Variants in FOXK2 observed in about 807,000 individuals in gnomAD.
FOXK2 encodes the protein forkhead box protein K2.
Under a neutral mutation model 53.3 loss-of-function variants are expected in FOXK2, and 24 were observed. That is an observed-to-expected ratio of 0.45 (90% CI 0.33 to 0.63). FOXK2 has a LOEUF of 0.63. Among genes scored for constraint, FOXK2 ranks in the 30% least tolerant of loss-of-function variants. The pLI, the probability that FOXK2 is intolerant of heterozygous loss-of-function variation, is 0.03. For synonymous variants in FOXK2, 505 were observed against 407.1 expected, an observed-to-expected ratio of 1.24 and a Z score of -2.89; for missense variants, 952 against 910.5, an observed-to-expected ratio of 1.05 and a Z score of -0.59.
intron 1 of FOXK2, among the ~76,000 whole-genome samples, chr17:82,526,179 A>G (rs1215044797): frequency 3.3e-5 from 5 of 152,220 alleles, no homozygotes; most frequent in Non-Finnish European, 5.9e-5. Context: ...GGAGACTCCA[A>G]TAAATGAATT....
chr17:82,558,634 G>A lies in FOXK2; in HGVS notation c.420-4720G>A, dbSNP rs192454937. Among the ~76,000 whole-genome samples, 10 of 152,364 alleles carry A rather than the reference G, an allele frequency of 6.6e-5. No homozygotes were observed. In the East Asian group the frequency reaches 1.5e-3, roughly 23 times the overall value. ...GCTGGAGCCCTCTCCTGGGAGGACC[G>A]GCGGGGAGTCTGTTCTGCTGGTCAA... is the stretch of plus-strand genomic sequence containing the variant. On this transcript the variant is annotated intron_variant, in intron 1 of 8. Coordinates refer to ENST00000335255, the MANE Select transcript of FOXK2 (RefSeq NM_004514.4).
At position 82,603,692 on chromosome 17, in the gene FOXK2, T is replaced by C. The variant is rs946885924; in HGVS notation, c.*2193T>C. Reference sequence around the variant, plus strand: ...GGATCACAGGTAAGGAAAATGTCCATTCAAATGGTAAAGAAGGGAGGAGGG... The same window carrying C: ...GGATCACAGGTAAGGAAAATGTCCACTCAAATGGTAAAGAAGGGAGGAGGG... On this transcript the variant is annotated 3_prime_UTR_variant, in exon 9 of 9. Coordinates refer to ENST00000335255, the MANE Select transcript of FOXK2 (RefSeq NM_004514.4). 6 of 150,534 alleles carry C rather than the reference T, an allele frequency of 4.0e-5. No homozygotes were observed. The highest frequency in any genetic ancestry group is 7.4e-5 in the Non-Finnish European group (5 of 67,806). The allele number at this position is 150,534 out of a possible 1,614,324, so 9.3% of individuals were successfully genotyped here.
Position 82,602,425 on chromosome 17 carries a change from T to C in FOXK2, c.*926T>C, listed in dbSNP as rs897534730. Reference sequence around the variant, plus strand: ...ATGTTTAAAACGACAGAACCATTTCTACTTCATTTGGAAAAAGATTCAGTC... The same window carrying C: ...ATGTTTAAAACGACAGAACCATTTCCACTTCATTTGGAAAAAGATTCAGTC... On this transcript the variant is annotated 3_prime_UTR_variant, in exon 9 of 9. Transcript: ENST00000335255. 3 of 152,292 alleles carry C rather than the reference T, an allele frequency of 2.0e-5. No individual in the cohort carries two copies. Among genetic ancestry groups the C allele is most frequent in the African/African-American group, 7.2e-5 (3 of 41,478 alleles). The allele number at this position is 152,292 out of a possible 1,614,324, so 9.4% of individuals were successfully genotyped here. A position where few individuals can be genotyped will look rare whatever the true frequency, so the allele number is the denominator to read the frequency against.
At chr17:82,534,828 A>G (rs2044505071) in intron 1 of FOXK2, among the ~76,000 whole-genome samples, 1 of 152,192 alleles carries the variant, frequency 6.6e-6, no homozygotes, top group South Asian at 2.1e-4. Flanking sequence ...GTTGTTTTTC[A>G]GGCTATGCCT....
intron 8 of FOXK2, among the ~76,000 whole-genome samples, chr17:82,594,142 A>G (rs957662232): frequency 3.9e-5 from 6 of 152,080 alleles, no homozygotes; most frequent in African/African-American, 1.4e-4. Flanking sequence ...ACAGCCCACA[A>G]CTGGGGTGTT....
At chr17:82,521,609 C>A (rs2044362251) in intron 1 of FOXK2, among the ~76,000 whole-genome samples, 1 of 151,494 alleles carries the variant, frequency 6.6e-6, no homozygotes, top group African/African-American at 2.4e-5. Context: ...CAGCATATTC[C>A]TTAAACTTTG....
At chr17:82,601,197 A>G in intron 8 of FOXK2, 106 bp from the exon 9 acceptor site, 3 of 1,211,560 alleles carry the variant, frequency 2.5e-6, no homozygotes, top group Admixed American at 2.3e-5. Flanking sequence ...AGTTCACATG[A>G]GAGCGTGGGG....
At chr17:82,530,138 A>C (rs1567964349) in intron 1 of FOXK2, among the ~76,000 whole-genome samples, 1 of 152,188 alleles carries the variant, frequency 6.6e-6, no homozygotes, top group Non-Finnish European at 1.5e-5. Flanking sequence ...TTTAGTCATT[A>C]ATAATTGGCA....
chr17:82,562,055 G>A (rs747306714), intron 1 of FOXK2, among the ~76,000 whole-genome samples: 3 of 152,368 alleles, frequency 2.0e-5, no homozygotes, highest in South Asian at 2.1e-4. Flanking sequence ...AACTGGGTTC[G>A]TGGTGGGGAC....
chr17:82,570,362 A>G (rs1361550424), intron 3 of FOXK2, among the ~76,000 whole-genome samples: 3 of 152,214 alleles, frequency 2.0e-5, no homozygotes, highest in African/African-American at 7.2e-5. Flanking sequence ...GCATAGTGGC[A>G]TGAGCTTGGA....
At chr17:82,534,901 G>A (rs2044505866) in intron 1 of FOXK2, among the ~76,000 whole-genome samples, 1 of 152,072 alleles carries the variant, frequency 6.6e-6, no homozygotes, top group African/African-American at 2.4e-5. Context: ...ATTTTTTGGG[G>A]GCAGGTTCTT....
intron 1 of FOXK2, among the ~76,000 whole-genome samples, chr17:82,531,091 G>A (rs62078094): frequency 0.039 from 5,915 of 152,246 alleles, 123 homozygotes; most frequent in Non-Finnish European, 0.044. Context: ...ATTAAACACA[G>A]CTGAAATCCT....
rs1318466112 is a variant in FOXK2, at chr17:82,601,748, T to TACG, written c.*251_*253dup. ...GCACCTGCTGGGCTGAGCTTCTACC[T>TACG]ACGAGTGAAACTCTGTCCTCCCGCG... On this transcript the variant is annotated 3_prime_UTR_variant, in exon 9 of 9. Coordinates refer to ENST00000335255, the MANE Select transcript of FOXK2 (RefSeq NM_004514.4). 2.4e-6 allele frequency: 1 copy of TACG among 412,626 alleles called. No homozygotes were observed. The highest frequency in any genetic ancestry group is 3.7e-5 in the East Asian group (1 of 26,862). 25.6% of individuals were successfully genotyped at this position (412,626 alleles called of 1,614,324 possible). A position where few individuals can be genotyped will look rare whatever the true frequency, so the allele number is the denominator to read the frequency against.
intron 1 of FOXK2, among the ~76,000 whole-genome samples, chr17:82,535,492 C>T (rs2144060375): frequency 6.6e-6 from 1 of 152,254 alleles, no homozygotes; most frequent in Middle Eastern, 3.4e-3. Context: ...CTCTGCTCGT[C>T]TTCTTTGTTC....
chr17:82,543,506 G>A (rs915995544), intron 1 of FOXK2, among the ~76,000 whole-genome samples: 6 of 152,238 alleles, frequency 3.9e-5, no homozygotes, highest in Admixed American at 2.6e-4. Context: ...CCCACTTGGA[G>A]CCCAGAGCTT....
At chr17:82,534,268 G>A (rs139884357) in intron 1 of FOXK2, among the ~76,000 whole-genome samples, 13 of 152,154 alleles carry the variant, frequency 8.5e-5, no homozygotes, top group African/African-American at 3.1e-4. Context: ...AAAGATGGCT[G>A]ATATGTAGAG....
chr17:82,584,644 A>G (rs2045111537), intron 6 of FOXK2, among the ~76,000 whole-genome samples: 1 of 149,918 alleles, frequency 6.7e-6, no homozygotes, highest in South Asian at 2.1e-4. Context: ...CCAGGTTCAA[A>G]GAATTCTCCT....
intron 1 of FOXK2, among the ~76,000 whole-genome samples, chr17:82,524,784 G>GC (rs2044400906): frequency 6.6e-6 from 1 of 152,168 alleles, no homozygotes; most frequent in African/African-American, 2.4e-5. Flanking sequence ...GCCCCACCTG[G>GC]CAGGGCTCTT....
chr17:82,555,053 A>G (rs981694354), intron 1 of FOXK2, among the ~76,000 whole-genome samples: 2 of 152,122 alleles, frequency 1.3e-5, no homozygotes, highest in African/African-American at 4.8e-5. Flanking sequence ...CCAGCCCCAA[A>G]TAAAGTACTT....
Sources: gnomAD v4.1 joint callset for allele counts (sites outside exome capture counted in the v4.1 genomes callset) on GRCh38, gnomAD v4.1.1 for gene constraint, MANE v1.5 for transcripts, NCBI Gene and HGNC (gene_info 2026-07-23, HGNC 2026-07-21) for gene names.